The following TUSC3 variants were observed in gnomAD, a reference collection of about 807,000 sequenced individuals.
TUSC3 encodes dolichyl-diphosphooligosaccharide--protein glycosyltransferase subunit TUSC3.
A neutral mutation model predicts 44.8 loss-of-function variants in TUSC3; 45 were observed. The ratio of observed to expected loss-of-function variants is 1.00; its 90% CI spans 0.79 to 1.29. TUSC3 has a LOEUF of 1.29. Ranked by LOEUF, TUSC3 falls within the 50% of genes most tolerant of loss-of-function variation. The pLI is 0.00. For synonymous variants in TUSC3, 212 were observed against 152.9 expected (o/e 1.39, Z -2.85); for missense variants, 519 against 437.9 (o/e 1.19, Z -1.65).
At position 15,544,420 on chromosome 8, in the gene TUSC3, C is replaced by T. The variant is rs79788699; in HGVS notation, c.138+3852C>T. ...TGTTATAATAATTAATTTATCTTAT[C>T]TGCAATGAATGTGAGTAGCTAATAG... is the stretch of plus-strand genomic sequence containing the variant. On this transcript the variant is annotated intron_variant, in intron 1 of 10. Coordinates refer to ENST00000503731, the MANE Select transcript of TUSC3 (RefSeq NM_006765.4). Among the ~76,000 whole-genome samples, 434 of 151,788 alleles carry T rather than the reference C, an allele frequency of 2.9e-3. 3 individuals are homozygous for T. The highest frequency in any genetic ancestry group is 0.01 in the African/African-American group (424 of 41,496).
intron 6 of TUSC3, among the ~76,000 whole-genome samples, chr8:15,707,712 A>G (rs1436220910): frequency 6.6e-6 from 1 of 151,988 alleles, no homozygotes; most frequent in Non-Finnish European, 1.5e-5. Flanking sequence ...TTGAAGTGGG[A>G]ATTTGACATG....
At chr8:15,540,141 A>C, upstream of TUSC3, 1 of 386,204 alleles carries the variant, frequency 2.6e-6, no homozygotes, top group South Asian at 6.7e-5. Flanking sequence ...TGGTCCGGGA[A>C]AGGCAAGCTC....
chr8:15,800,132 C>A, the TUSC3 span, among the ~76,000 whole-genome samples: 1 of 152,212 alleles, frequency 6.6e-6, no homozygotes, highest in Non-Finnish European at 1.5e-5. Context: ...ATATCCATAG[C>A]TGCTCCTTGA....
chr8:15,709,724 A>G (rs988596622), intron 6 of TUSC3, among the ~76,000 whole-genome samples: 2 of 151,892 alleles, frequency 1.3e-5, no homozygotes, highest in African/African-American at 4.8e-5. Context: ...TGCCACTATT[A>G]TCTCCCAATT....
chr8:15,607,346 G>C (rs1804574992), intron 1 of TUSC3, among the ~76,000 whole-genome samples: 1 of 152,092 alleles, frequency 6.6e-6, no homozygotes, highest in South Asian at 2.1e-4. Context: ...TTTAGTGATA[G>C]AAACTTTTAA....
intron 6 of TUSC3, among the ~76,000 whole-genome samples, chr8:15,726,873 G>T (rs1201305006): frequency 3.3e-5 from 5 of 152,094 alleles, no homozygotes; most frequent in Admixed American, 6.6e-5. Context: ...TATATTAATG[G>T]TTTCTCAAAA....
At chr8:15,814,433 A>T in the TUSC3 span, among the ~76,000 whole-genome samples, 1 of 152,190 alleles carries the variant, frequency 6.6e-6, no homozygotes, top group African/African-American at 2.4e-5. Flanking sequence ...ATCTACTAAG[A>T]TGTAAACATA....
chr8:15,662,433 A>G (rs1178019357), intron 5 of TUSC3, 137 bp downstream of exon 5: 2 of 1,255,816 alleles, frequency 1.6e-6, no homozygotes, highest in Non-Finnish European at 1.1e-6. Flanking sequence ...TAGAACTTGG[A>G]TAATTTAGTT....
the TUSC3 span, among the ~76,000 whole-genome samples, chr8:15,843,621 T>TATATACACACAC: frequency 9.5e-5 from 14 of 146,766 alleles, no homozygotes; most frequent in African/African-American, 3.4e-4. Context: ...TATATATATA[T>TATATACACACAC]ACACGCACAT....
chr8:15,670,828 T>G (rs527428359), intron 5 of TUSC3, among the ~76,000 whole-genome samples: 1 of 151,980 alleles, frequency 6.6e-6, no homozygotes, highest in South Asian at 2.1e-4. Flanking sequence ...ATATAAAGAA[T>G]CTTGACAAAA....
the TUSC3 span, among the ~76,000 whole-genome samples, chr8:15,851,423 T>C: frequency 1.3e-5 from 2 of 152,186 alleles, no homozygotes; most frequent in Non-Finnish European, 2.9e-5. Context: ...TTGAGCAACT[T>C]ACCATAAAAT....
intron 6 of TUSC3, among the ~76,000 whole-genome samples, chr8:15,705,095 T>C (rs992900129): frequency 2.0e-5 from 3 of 151,976 alleles, no homozygotes; most frequent in African/African-American, 7.2e-5. Flanking sequence ...TCTTCAAAGA[T>C]AATGTAAAAT....
the TUSC3 span, among the ~76,000 whole-genome samples, chr8:15,842,894 A>T: frequency 2.0e-5 from 3 of 152,124 alleles, no homozygotes; most frequent in African/African-American, 7.2e-5. Context: ...GTTGCCAATA[A>T]TTTTTGCTCA....
intron 2 of TUSC3, among the ~76,000 whole-genome samples, chr8:15,491,094 C>G (rs2410273): frequency 0.48 from 73,153 of 152,014 alleles, 17,920 homozygotes; most frequent in East Asian, 0.72. Context: ...GTCACAGATG[C>G]ATTTGTCTCG....
chr8:15,585,750 G>T (rs947753658), intron 1 of TUSC3, among the ~76,000 whole-genome samples: 1 of 152,038 alleles, frequency 6.6e-6, no homozygotes, highest in African/African-American at 2.4e-5. Context: ...TTCGACTGTC[G>T]GAATGTCTTA....
chr8:15,417,889 A>G (rs1176219027), intron 1 of TUSC3, among the ~76,000 whole-genome samples: 1 of 152,108 alleles, frequency 6.6e-6, no homozygotes, highest in Non-Finnish European at 1.5e-5. Flanking sequence ...AAGTCAAGGA[A>G]AGGAAGGAAG....
At chr8:15,748,505 C>T (rs352781) in intron 9 of TUSC3, 40 bp downstream of exon 9, 1 of 1,446,896 alleles carries the variant, frequency 6.9e-7, no homozygotes, top group South Asian at 1.1e-5. Context: ...TTATTTTTAA[C>T]TAATAGAACA....
intron 2 of TUSC3, among the ~76,000 whole-genome samples, chr8:15,625,160 A>T (rs1398274862): frequency 6.6e-6 from 1 of 152,178 alleles, no homozygotes; most frequent in Admixed American, 6.5e-5. Context: ...TGATTTTCAA[A>T]TGTTGAACTG....
intron 1 of TUSC3, among the ~76,000 whole-genome samples, chr8:15,436,375 TA>T (rs1244505546): frequency 6.6e-6 from 1 of 152,214 alleles, no homozygotes; most frequent in African/African-American, 2.4e-5. Context: ...GTTATCTTTT[TA>T]AATGTAACCT....
Sources: allele counts gnomAD v4.1 joint callset (sites outside exome capture counted in the v4.1 genomes callset), GRCh38; gene constraint gnomAD v4.1.1; transcripts MANE v1.5; gene names NCBI Gene and HGNC (gene_info 2026-07-23, HGNC 2026-07-21).